The following BRINP1 variants were observed in gnomAD, a reference collection of about 807,000 sequenced individuals.
The protein encoded by BRINP1 is BMP/retinoic acid inducible neural specific 1, also known as BMP/retinoic acid-inducible neural-specific protein 1.
A neutral mutation model predicts 72.9 loss-of-function variants in BRINP1; 17 were observed. That is an observed-to-expected ratio of 0.23 (90% CI 0.16 to 0.35). BRINP1 has a LOEUF of 0.35. Ranked by LOEUF, BRINP1 falls within the 10% of genes least tolerant of loss-of-function variation. The pLI is 1.00. For missense variants in BRINP1, 850 were observed against 1,001.6 expected, an observed-to-expected ratio of 0.85 and a Z score of 2.04; for synonymous variants, 418 against 378.5, an observed-to-expected ratio of 1.10 and a Z score of -1.21.
rs541031960 is a variant in BRINP1 at position 119,205,129 on chromosome 9, G to A, written c.1145+3590C>T. 4.0e-5 allele frequency among the ~76,000 whole-genome samples: 6 copies of A among 149,722 alleles called. 1 individual carries two copies. In the South Asian group the frequency reaches 8.3e-4, roughly 21 times the overall value. On this transcript the variant is annotated intron_variant, in intron 7 of 7. Transcript: ENST00000265922. Reference sequence around the variant, plus strand: ...GCTCCATGCCAGAGAGGTGCCCTGCGGTGTGAGAAATACTCATTAAAGCCT... The same window carrying A: ...GCTCCATGCCAGAGAGGTGCCCTGCAGTGTGAGAAATACTCATTAAAGCCT...
At chr9:119,288,110 C>A (rs1195567128) in intron 2 of BRINP1, among the ~76,000 whole-genome samples, 1 of 152,178 alleles carries the variant, frequency 6.6e-6, no homozygotes, top group African/African-American at 2.4e-5. Context: ...AGGATGGGAA[C>A]AGATGGGTAG....
rs553820877 is a variant in BRINP1 at position 119,217,379 on chromosome 9, T to G, written c.686-3224A>C. ...GAAAGAGAGAGAGAGAAAAGAAAAC[T>G]GAGAAAATGAGAGAGAAAAGGGCTA... On this transcript the variant is annotated intron_variant, in intron 5 of 7. Transcript: ENST00000265922. Among the ~76,000 whole-genome samples the G allele has an allele frequency of 2.0e-5, 3 of 150,862 alleles. No homozygotes were observed. The South Asian group carries it at 6.3e-4, about 32-fold the overall frequency.
intron 2 of BRINP1, among the ~76,000 whole-genome samples, chr9:119,298,841 A>G (rs1830908669): frequency 6.6e-6 from 1 of 152,072 alleles, no homozygotes; most frequent in African/African-American, 2.4e-5. Flanking sequence ...TTCCCTTTAC[A>G]TACTATTACC....
intron 1 of BRINP1, among the ~76,000 whole-genome samples, chr9:119,363,657 G>C (rs951723301): frequency 6.6e-6 from 1 of 152,112 alleles, no homozygotes; most frequent in Admixed American, 6.5e-5. Context: ...CGCTCCTCTA[G>C]AGTGTGAACT....
chr9:119,288,656 C>T (rs1830791407), intron 2 of BRINP1, among the ~76,000 whole-genome samples: 2 of 152,190 alleles, frequency 1.3e-5, no homozygotes, highest in African/African-American at 4.8e-5. Flanking sequence ...GAAAATGCTT[C>T]TTACTCAACC....
At chr9:119,334,386 G>A (rs1011062574) in intron 1 of BRINP1, among the ~76,000 whole-genome samples, 1 of 152,142 alleles carries the variant, frequency 6.6e-6, no homozygotes, top group African/African-American at 2.4e-5. Flanking sequence ...CCACAGGCAA[G>A]GAAACTGAGA....
At chr9:119,230,907 A>C (rs2118897507) in intron 5 of BRINP1, among the ~76,000 whole-genome samples, 1 of 151,956 alleles carries the variant, frequency 6.6e-6, no homozygotes, top group South Asian at 2.1e-4. Context: ...TCCCTGGCCT[A>C]CCCTCCCATC....
intron 7 of BRINP1, among the ~76,000 whole-genome samples, chr9:119,196,999 A>G (rs1829745214): frequency 6.6e-6 from 1 of 152,236 alleles, no homozygotes; most frequent in Non-Finnish European, 1.5e-5. Flanking sequence ...ATGTCGTGAT[A>G]TTCCAGGCAC....
chr9:119,317,177 A>G (rs533149010), intron 1 of BRINP1, among the ~76,000 whole-genome samples: 1 of 152,308 alleles, frequency 6.6e-6, no homozygotes, highest in East Asian at 1.9e-4. Flanking sequence ...GGATCTGGGC[A>G]TTGCACATTG....
intron 1 of BRINP1, among the ~76,000 whole-genome samples, chr9:119,357,472 A>C (rs1325265161): frequency 6.6e-6 from 1 of 152,216 alleles, no homozygotes; most frequent in African/African-American, 2.4e-5. Flanking sequence ...AGCTCATTCT[A>C]TAACTACTGA....
rs371098695 is a variant in BRINP1 at position 119,205,126 on chromosome 9, TGCG to T, written c.1145+3590_1145+3592del. ...ACTGCTCCATGCCAGAGAGGTGCCC[TGCG>T]GTGTGAGAAATACTCATTAAAGCCT... On this transcript the variant is annotated intron_variant, in intron 7 of 7. Coordinates refer to ENST00000265922, the MANE Select transcript of BRINP1 (RefSeq NM_014618.3). 8.3e-3 allele frequency among the ~76,000 whole-genome samples: 1,261 copies of T among 152,250 alleles called. 10 individuals are homozygous for T. Among genetic ancestry groups the T allele is most frequent in the Non-Finnish European group, 0.014 (975 of 68,020 alleles).
intron 4 of BRINP1, among the ~76,000 whole-genome samples, chr9:119,241,415 C>G (rs931485423): frequency 3.9e-5 from 6 of 152,182 alleles, no homozygotes; most frequent in Admixed American, 2.0e-4. Flanking sequence ...TATGCTACAA[C>G]AGCAGGGTTG....
intron 1 of BRINP1, among the ~76,000 whole-genome samples, chr9:119,316,866 A>G (rs1343518838): frequency 6.6e-6 from 1 of 152,072 alleles, no homozygotes; most frequent in Non-Finnish European, 1.5e-5. Context: ...ATTGAGAAAT[A>G]CATTTCATGA....
chr9:119,195,492 C>T (rs1054925263), intron 7 of BRINP1, among the ~76,000 whole-genome samples: 13 of 152,136 alleles, frequency 8.5e-5, no homozygotes, highest in Admixed American at 8.5e-4. Flanking sequence ...CTGGTTATTC[C>T]GATCACATAA....
At chr9:119,230,515 T>C (rs1299421500) in intron 5 of BRINP1, among the ~76,000 whole-genome samples, 1 of 151,806 alleles carries the variant, frequency 6.6e-6, no homozygotes, top group African/African-American at 2.4e-5. Context: ...GGAGAAGGAA[T>C]GATTCTGATG....
intron 7 of BRINP1, among the ~76,000 whole-genome samples, chr9:119,190,412 TAA>T (rs200553535): frequency 7.2e-4 from 95 of 131,510 alleles, no homozygotes; most frequent in Non-Finnish European, 7.7e-4. Context: ...CTAGCTAGAC[TAA>T]AAAAAAAAAA....
intron 7 of BRINP1, among the ~76,000 whole-genome samples, chr9:119,188,984 C>T (rs899091072): frequency 1.3e-4 from 19 of 151,950 alleles, no homozygotes; most frequent in African/African-American, 4.4e-4. Context: ...TGACTGTAGC[C>T]ACAGTAAGTT....
At chr9:119,169,680 G>A (rs919210751) in intron 7 of BRINP1, among the ~76,000 whole-genome samples, 7 of 152,212 alleles carry the variant, frequency 4.6e-5, no homozygotes, top group Non-Finnish European at 5.9e-5. Flanking sequence ...TGGGGGCAGG[G>A]CACAGACAAA....
In BRINP1 at chr9:119,185,241, A is replaced by G. The variant is rs1829604293; in HGVS notation, c.1146-17017T>C. 2.0e-5 allele frequency among the ~76,000 whole-genome samples: 3 copies of G among 152,176 alleles called. No homozygotes were observed. In the South Asian group the frequency reaches 6.2e-4, roughly 31 times the overall value. Reference sequence around the variant, plus strand: ...CCAAATAATAGAATAATAGTATTTTATGGTACATTCGCCCCCACTTAAACC... The same window carrying G: ...CCAAATAATAGAATAATAGTATTTTGTGGTACATTCGCCCCCACTTAAACC... On this transcript the variant is annotated intron_variant, in intron 7 of 7. Coordinates refer to ENST00000265922, the MANE Select transcript of BRINP1 (RefSeq NM_014618.3).
Sources: gnomAD v4.1 joint callset for allele counts (sites outside exome capture counted in the v4.1 genomes callset) on GRCh38, gnomAD v4.1.1 for gene constraint, MANE v1.5 for transcripts, NCBI Gene and HGNC (gene_info 2026-07-23, HGNC 2026-07-21) for gene names.